The following RNGTT variants were observed in gnomAD, a reference collection of about 807,000 sequenced individuals.
RNGTT encodes mRNA-capping enzyme.
In RNGTT, 33 loss-of-function variants were observed where a neutral mutation model predicts 79.3. The observed-to-expected ratio is 0.42, with a 90% confidence interval of 0.32 to 0.56. The LOEUF (loss-of-function observed/expected upper bound fraction) is 0.56. Among genes scored for constraint, RNGTT ranks in the 20% least tolerant of loss-of-function variants. The pLI is 0.17. For synonymous variants in RNGTT, 222 were observed against 235.9 expected, an observed-to-expected ratio of 0.94 and a Z score of 0.54; for missense variants, 497 against 739.1, an observed-to-expected ratio of 0.67 and a Z score of 3.80.
At chr6:88,843,359 A>G (rs1336730683) in intron 11 of RNGTT, among the ~76,000 whole-genome samples, 1 of 152,068 alleles carries the variant, frequency 6.6e-6, no homozygotes, top group Non-Finnish European at 1.5e-5. Context: ...AAGGACTAGA[A>G]GCAATCTAAA....
intron 6 of RNGTT, among the ~76,000 whole-genome samples, chr6:88,896,157 A>G (rs914919945): frequency 1.4e-4 from 22 of 152,194 alleles, no homozygotes; most frequent in African/African-American, 5.3e-4. Flanking sequence ...GTTTACACTA[A>G]TTCCTTTCAG....
At chr6:88,773,067 AC>A (rs1778746566) in intron 12 of RNGTT, among the ~76,000 whole-genome samples, 1 of 143,782 alleles carries the variant, frequency 7.0e-6, no homozygotes, top group Admixed American at 7.0e-5. Context: ...CTTGGAACCA[AC>A]CCAAATGTCC....
At chr6:88,655,391 A>G (rs1261639966) in intron 14 of RNGTT, among the ~76,000 whole-genome samples, 1 of 152,224 alleles carries the variant, frequency 6.6e-6, no homozygotes. Context: ...TTTGACTTCA[A>G]AAATGAAGAG....
chr6:88,911,853 G>A (rs1253717371), intron 4 of RNGTT, among the ~76,000 whole-genome samples: 1 of 152,072 alleles, frequency 6.6e-6, no homozygotes. Flanking sequence ...CCCTCTGAGA[G>A]GCCAAGCAGA....
intron 13 of RNGTT, among the ~76,000 whole-genome samples, chr6:88,682,274 C>T (rs564787659): frequency 6.6e-6 from 1 of 152,226 alleles, no homozygotes; most frequent in African/African-American, 2.4e-5. Flanking sequence ...ACTATAGTAC[C>T]CGTTATCAGA....
chr6:88,621,709 C>T (rs1772449051), intron 14 of RNGTT, among the ~76,000 whole-genome samples: 1 of 151,794 alleles, frequency 6.6e-6, no homozygotes, highest in South Asian at 2.1e-4. Flanking sequence ...GGACTAAGCT[C>T]CTACACTAAG....
intron 14 of RNGTT, among the ~76,000 whole-genome samples, chr6:88,641,207 C>T (rs991129136): frequency 1.1e-4 from 17 of 151,902 alleles, no homozygotes; most frequent in African/African-American, 3.6e-4. Context: ...GGCACGGTGG[C>T]GGGCGCCTGT....
intron 11 of RNGTT, among the ~76,000 whole-genome samples, chr6:88,819,688 C>A (rs1277953892): frequency 1.3e-5 from 2 of 152,046 alleles, no homozygotes; most frequent in Non-Finnish European, 2.9e-5. Flanking sequence ...ACTCAGCATC[C>A]TAGTGTCCAA....
chr6:88,738,613 T>C (rs941236577), intron 13 of RNGTT, among the ~76,000 whole-genome samples: 6 of 152,118 alleles, frequency 3.9e-5, no homozygotes, highest in African/African-American at 1.4e-4. Context: ...ACCACTGTAC[T>C]CCAGCCTGGG....
chr6:88,734,062 T>C (rs957177044), intron 13 of RNGTT, among the ~76,000 whole-genome samples: 5 of 151,892 alleles, frequency 3.3e-5, no homozygotes, highest in Non-Finnish European at 7.4e-5. Context: ...ATTTTGCTTT[T>C]CTTATTCTTA....
intron 13 of RNGTT, among the ~76,000 whole-genome samples, chr6:88,689,060 T>TG (rs963922272): frequency 3.3e-5 from 5 of 152,182 alleles, no homozygotes; most frequent in South Asian, 2.1e-4. Flanking sequence ...TAGTTAGGTT[T>TG]GGGGGGGAGT....
At chr6:88,622,518 C>G (rs76577299) in intron 14 of RNGTT, among the ~76,000 whole-genome samples, 4,568 of 152,204 alleles carry the variant, frequency 0.03, 231 homozygotes, top group African/African-American at 0.1. Context: ...CATTGTCTTA[C>G]ACATTTAAAT....
In RNGTT at chr6:88,953,805, T is replaced by G. The variant is rs953489880; in HGVS notation, c.64+9541A>C. Among the ~76,000 whole-genome samples the G allele has an allele frequency of 4.1e-4, 63 of 152,208 alleles. 1 individual carries two copies. Among genetic ancestry groups the G allele is most frequent in the Admixed American group, 4.1e-3 (63 of 15,276 alleles). ...AGAAACCTTACAAGCCAGAAGGGATTGGGGTCCCATCTTTAGTTTCCTGAA... is the reference window on the plus strand; with the variant it reads ...AGAAACCTTACAAGCCAGAAGGGATGGGGGTCCCATCTTTAGTTTCCTGAA... On this transcript the variant is annotated intron_variant, in intron 1 of 15. Coordinates refer to ENST00000369485, the MANE Select transcript of RNGTT (RefSeq NM_003800.5).
In RNGTT at chr6:88,803,432, G is replaced by A. The variant is rs9359817; in HGVS notation, c.1270-1800C>T. Among the ~76,000 whole-genome samples the A allele has an allele frequency of 6.4e-3, 977 of 151,620 alleles. 10 individuals carry two copies. Among genetic ancestry groups the A allele is most frequent in the South Asian group, 0.022 (108 of 4,800 alleles). ...CTACTAAAAAATACAAAAATTAACC[G>A]GTGTGGTGGCGCGCGCCTGTAGTCC... On this transcript the variant is annotated intron_variant, in intron 11 of 15. Transcript: ENST00000369485.
At chr6:88,843,699 T>C (rs910983675) in intron 11 of RNGTT, among the ~76,000 whole-genome samples, 6 of 151,012 alleles carry the variant, frequency 4.0e-5, no homozygotes, top group African/African-American at 1.2e-4. Context: ...GCTGGGACTA[T>C]AGACATGCGC....
At chr6:88,958,856 G>C (rs1281219400) in intron 1 of RNGTT, among the ~76,000 whole-genome samples, 1 of 152,128 alleles carries the variant, frequency 6.6e-6, no homozygotes, top group African/African-American at 2.4e-5. Flanking sequence ...CCACTACTGG[G>C]TATCTACCCA....
At chr6:88,873,512 A>C (rs1053574664) in intron 8 of RNGTT, among the ~76,000 whole-genome samples, 2 of 152,198 alleles carry the variant, frequency 1.3e-5, no homozygotes, top group Non-Finnish European at 2.9e-5. Flanking sequence ...TTGGCACATA[A>C]CAGACACTTA....
chr6:88,646,830 C>T (rs973857481), intron 14 of RNGTT, among the ~76,000 whole-genome samples: 1 of 151,808 alleles, frequency 6.6e-6, no homozygotes, highest in Non-Finnish European at 1.5e-5. Flanking sequence ...ACATCACACA[C>T]CAGGGCCTGT....
At chr6:88,659,386 A>G (rs56168657) in intron 14 of RNGTT, among the ~76,000 whole-genome samples, 1 of 152,228 alleles carries the variant, frequency 6.6e-6, no homozygotes, top group African/African-American at 2.4e-5. Context: ...AACTTAAAGA[A>G]ATTTTTTAAA....
Sources: gnomAD v4.1 joint callset for allele counts (sites outside exome capture counted in the v4.1 genomes callset) on GRCh38, gnomAD v4.1.1 for gene constraint, MANE v1.5 for transcripts, NCBI Gene and HGNC (gene_info 2026-07-23, HGNC 2026-07-21) for gene names.